The following PCDHGB6 variants were observed in gnomAD, a reference collection of about 807,000 sequenced individuals.
PCDHGB6 encodes the protein protocadherin gamma subfamily B, 6.
In PCDHGB6, 51 loss-of-function variants were observed where a neutral mutation model predicts 59.1. The ratio of observed to expected loss-of-function variants is 0.86; its 90% CI spans 0.69 to 1.09. The LOEUF (loss-of-function observed/expected upper bound fraction) is 1.09, where lower values mean the gene tolerates loss of function less well. PCDHGB6 is among the 50% of genes least tolerant of loss of function. The pLI is 0.00. For synonymous variants in PCDHGB6, 466 were observed against 495.1 expected, an observed-to-expected ratio of 0.94 and a Z score of 0.78; for missense variants, 1,148 against 1,205.1, an observed-to-expected ratio of 0.95 and a Z score of 0.70.
At chr5:141,505,302 G>A (rs1733345360) in intron 2 of PCDHGB6, 91 bp from the exon 3 acceptor site, 1 of 1,592,596 alleles carries the variant, frequency 6.3e-7, no homozygotes, top group Admixed American at 1.7e-5. Flanking sequence ...TAGGGTTAGG[G>A]TACTAGGTTT....
intron 1 of PCDHGB6, among the ~76,000 whole-genome samples, chr5:141,448,617 T>C (rs1318664360): frequency 2.0e-5 from 3 of 152,150 alleles, no homozygotes; most frequent in Non-Finnish European, 2.9e-5. Flanking sequence ...ACTTTATATC[T>C]TCCTTTCTTC....
At chr5:141,442,759 A>G (rs2098341868) in intron 1 of PCDHGB6, among the ~76,000 whole-genome samples, 1 of 152,152 alleles carries the variant, frequency 6.6e-6, no homozygotes, top group Non-Finnish European at 1.5e-5. Flanking sequence ...GATTATATAT[A>G]TTTGTATGTG....
chr5:141,477,978 T>A lies in PCDHGB6; in HGVS notation c.2419-16829T>A. ...TCCCCTAACCAGAGCCTTTTTGCCA[T>A]AGGGCTGCACACTGGTCAAATCAGT... is the stretch of plus-strand genomic sequence containing the variant. On this transcript the variant is annotated intron_variant, in intron 1 of 3. Transcript: ENST00000520790. The surrounding 1 kb of genome is among the most constrained non-coding windows in gnomAD (Gnocchi z 4.9). The A allele has an allele frequency of 6.2e-7, 1 of 1,614,120 alleles. No individual in the cohort carries two copies. Among genetic ancestry groups the A allele is most frequent in the Non-Finnish European group, 8.5e-7 (1 of 1,180,022 alleles).
At chr5:141,445,020 C>T (rs2098454249) in intron 1 of PCDHGB6, among the ~76,000 whole-genome samples, 1 of 152,130 alleles carries the variant, frequency 6.6e-6, no homozygotes, top group Non-Finnish European at 1.5e-5. Flanking sequence ...TTTAATTTCT[C>T]TCAGCTATGT....
intron 1 of PCDHGB6, among the ~76,000 whole-genome samples, chr5:141,469,108 C>A (rs923728484): frequency 4.0e-5 from 6 of 151,768 alleles, no homozygotes; most frequent in Non-Finnish European, 5.9e-5. Context: ...AAGAACCTGT[C>A]TCTAAAAAAA....
At position 141,432,117 on chromosome 5, in the gene PCDHGB6, C is replaced by G. The variant is rs761106133; in HGVS notation, c.2418+21497C>G. The G allele has an allele frequency of 6.2e-7, 1 of 1,614,062 alleles. No homozygotes were observed. The highest frequency in any genetic ancestry group is 8.5e-7 in the Non-Finnish European group (1 of 1,180,048). ...ACCAACGACAACCCGCCGGTCTTCC[C>G]TCAGGCCTCCTATTCCGCTTATATC... is the stretch of plus-strand genomic sequence containing the variant. On this transcript the variant is annotated intron_variant, in intron 1 of 3. Transcript: ENST00000520790. The surrounding 1 kb of genome is among the most constrained non-coding windows in gnomAD (Gnocchi z 6.0).
At chr5:141,428,098 A>G in intron 1 of PCDHGB6, 1 of 1,608,664 alleles carries the variant, frequency 6.2e-7, no homozygotes, top group Non-Finnish European at 8.5e-7. Flanking sequence ...CTGTCCTACC[A>G]CGTGCTGCAG....
chr5:141,484,699 T>A (rs899065665), intron 1 of PCDHGB6, among the ~76,000 whole-genome samples: 4 of 151,966 alleles, frequency 2.6e-5, no homozygotes, highest in African/African-American at 9.7e-5. Flanking sequence ...GCTGTGGCTG[T>A]TTTCCCCGCC....
intron 1 of PCDHGB6, chr5:141,427,307 T>C (rs745903769): frequency 4.4e-6 from 2 of 456,906 alleles, no homozygotes; most frequent in South Asian, 1.5e-5. Flanking sequence ...AGAATGACAA[T>C]GCCCCAGACG....
intron 3 of PCDHGB6, among the ~76,000 whole-genome samples, chr5:141,507,893 G>C (rs750472786): frequency 2.2e-4 from 33 of 152,356 alleles, no homozygotes; most frequent in Non-Finnish European, 4.1e-4. Context: ...AGAGGTTCCT[G>C]AAGTCCAGCC....
rs2099615088 is a variant in PCDHGB6, at chr5:141,485,526, G to A, written c.2419-9281G>A. On this transcript the variant is annotated intron_variant, in intron 1 of 3. Coordinates refer to ENST00000520790, the MANE Select transcript of PCDHGB6 (RefSeq NM_018926.3). The surrounding 1 kb of genome is among the most constrained non-coding windows in gnomAD (Gnocchi z 5.7). Reference sequence around the variant, plus strand: ...ACCGAAGGTCCTTTGGAAATGTACCGAGCAGAGGTAGAGATCGTAGATGTG... The same window carrying A: ...ACCGAAGGTCCTTTGGAAATGTACCAAGCAGAGGTAGAGATCGTAGATGTG... 6.2e-7 allele frequency: 1 copy of A among 1,614,154 alleles called. No individual in the cohort carries two copies. The highest frequency in any genetic ancestry group is 2.2e-5 in the East Asian group (1 of 44,880).
intron 1 of PCDHGB6, among the ~76,000 whole-genome samples, chr5:141,448,316 T>C (rs1042171540): frequency 6.6e-6 from 1 of 152,174 alleles, no homozygotes; most frequent in Non-Finnish European, 1.5e-5. Flanking sequence ...AGGAATCTTT[T>C]CTTTGAATCT....
chr5:141,414,576 G>A, intron 1 of PCDHGB6: 1 of 1,613,898 alleles, frequency 6.2e-7, no homozygotes, highest in Non-Finnish European at 8.5e-7. Context: ...ATATCCCAGA[G>A]AACAACGCCA....
intron 1 of PCDHGB6, chr5:141,418,727 C>T: frequency 6.2e-7 from 1 of 1,613,976 alleles, no homozygotes; most frequent in Non-Finnish European, 8.5e-7. Flanking sequence ...CAAAGCTCAG[C>T]ACGTGTTCTC....
intron 1 of PCDHGB6, among the ~76,000 whole-genome samples, chr5:141,464,431 A>G (rs1352563675): frequency 6.6e-6 from 1 of 151,648 alleles, no homozygotes; most frequent in Non-Finnish European, 1.5e-5. Flanking sequence ...ATATAGATAT[A>G]TATGTTTGTT....
chr5:141,478,635 A>T, intron 1 of PCDHGB6: 1 of 1,552,830 alleles, frequency 6.4e-7, no homozygotes, highest in Non-Finnish European at 8.7e-7. Context: ...TTTTTTAGTG[A>T]TGAAGATGTT....
Position 141,409,838 on chromosome 5 carries a change from G to A in PCDHGB6, c.1636G>A (p.Val546Met). Residue 546 changes from valine to methionine, a missense_variant, in exon 1 of 4, where the codon GTG becomes ATG. By Grantham distance (21) the Val-to-Met change is conservative. This residue lies in a region of PCDHGB6 where 549 missense variants were observed against 527.5 expected (regional missense o/e 1.04). Transcript: ENST00000520790. ...CGGCTCGCCCACGCTCAGCGCCAAC[G>A]TGAGCCTGCGCGTGTTGGTGGGAGA... ...DHGSPTLSANVSLRVLVGDRN... is the reference protein window; with the variant it reads ...DHGSPTLSANMSLRVLVGDRN... 1.2e-6 allele frequency: 2 copies of A among 1,611,532 alleles called. No homozygotes were observed. The highest frequency in any genetic ancestry group is 1.7e-6 in the Non-Finnish European group (2 of 1,179,126).
chr5:141,429,421 C>T (rs1223756901), intron 1 of PCDHGB6, among the ~76,000 whole-genome samples: 1 of 151,486 alleles, frequency 6.6e-6, no homozygotes, highest in Non-Finnish European at 1.5e-5. Context: ...CATTATGTTG[C>T]CCAGGCTGGA....
chr5:141,493,179 T>C lies in PCDHGB6; in HGVS notation c.2419-1628T>C, dbSNP rs1208502829. 6.6e-6 allele frequency among the ~76,000 whole-genome samples: 1 copy of C among 152,230 alleles called. No homozygotes were observed. Among genetic ancestry groups the C allele is most frequent in the Non-Finnish European group, 1.5e-5 (1 of 68,040 alleles). On this transcript the variant is annotated intron_variant, in intron 1 of 3. Coordinates refer to ENST00000520790, the MANE Select transcript of PCDHGB6 (RefSeq NM_018926.3). This position sits in a 1 kb window ranked among gnomAD's most constrained non-coding sequence, Gnocchi z 4.3. ...TGATAGCTGATTGAGAGAAACTTAC[T>C]ATATAACTCCTTTGAGAACCTCATC...
Sources: allele counts gnomAD v4.1 joint callset (sites outside exome capture counted in the v4.1 genomes callset), GRCh38; gene constraint gnomAD v4.1.1; regional missense constraint gnomAD v4.1.1; non-coding constraint Gnocchi (gnomAD v3.1); transcripts MANE v1.5; gene names NCBI Gene and HGNC (gene_info 2026-07-23, HGNC 2026-07-21).